The following SMG6 variants were observed in gnomAD, a reference collection of about 807,000 sequenced individuals.
SMG6 encodes SMG6 nonsense mediated mRNA decay factor.
A neutral mutation model predicts 142.2 loss-of-function variants in SMG6; 66 were observed. The observed-to-expected ratio is 0.46, with a 90% CI of 0.38 to 0.57. The LOEUF (loss-of-function observed/expected upper bound fraction) is 0.57. Ranked by LOEUF, SMG6 falls within the 20% of genes least tolerant of loss-of-function variation. The pLI, the probability that SMG6 is intolerant of heterozygous loss-of-function variation, is 0.00. For missense variants in SMG6, 1,793 were observed against 1,832.0 expected (o/e 0.98, Z 0.39); for synonymous variants, 779 against 702.4 (o/e 1.11, Z -1.72).
intron 10 of SMG6, among the ~76,000 whole-genome samples, chr17:2,202,200 A>C (rs1223282819): frequency 6.6e-6 from 1 of 152,218 alleles, no homozygotes; most frequent in Non-Finnish European, 1.5e-5. Context: ...TGGATAAATA[A>C]ATTGTGGTAT....
chr17:2,302,093 G>T (rs946530879), intron 1 of SMG6, among the ~76,000 whole-genome samples: 4 of 151,492 alleles, frequency 2.6e-5, no homozygotes, highest in Non-Finnish European at 5.9e-5. Flanking sequence ...TCTCTATAAC[G>T]TATACAAAAA....
At chr17:2,110,168 C>T (rs867919352) in intron 13 of SMG6, among the ~76,000 whole-genome samples, 5 of 151,588 alleles carry the variant, frequency 3.3e-5, no homozygotes, top group Non-Finnish European at 7.4e-5. Flanking sequence ...ACTCTTGCTG[C>T]TGACAAAGTA....
At chr17:2,119,370 T>C (rs1181730792) in intron 13 of SMG6, among the ~76,000 whole-genome samples, 12 of 151,834 alleles carry the variant, frequency 7.9e-5, no homozygotes, top group Admixed American at 7.9e-4. Flanking sequence ...ATTTTTGTAT[T>C]TTTAATAGAG....
chr17:2,264,374 G>C (rs1438263359), intron 8 of SMG6, among the ~76,000 whole-genome samples: 1 of 152,184 alleles, frequency 6.6e-6, no homozygotes, highest in Non-Finnish European at 1.5e-5. Flanking sequence ...GGTTATTCAT[G>C]AGATGCCAAA....
At chr17:2,233,092 A>C (rs929806987) in intron 10 of SMG6, 1 of 152,270 alleles carries the variant, frequency 6.6e-6, no homozygotes, top group African/African-American at 2.4e-5. Context: ...CAAATGATTC[A>C]CGGTAGCATT....
At chr17:2,159,652 A>G (rs1320216283) in intron 13 of SMG6, among the ~76,000 whole-genome samples, 1 of 152,206 alleles carries the variant, frequency 6.6e-6, no homozygotes, top group Non-Finnish European at 1.5e-5. Context: ...TAAATGACTA[A>G]GCAATTCTAC....
At chr17:2,148,633 C>T (rs141076914) in intron 13 of SMG6, among the ~76,000 whole-genome samples, 3,163 of 152,148 alleles carry the variant, frequency 0.021, 97 homozygotes, top group African/African-American at 0.071. Context: ...CCAAGGCGGG[C>T]GGATCACTTG....
chr17:2,206,601 C>A (rs996636673), intron 10 of SMG6, among the ~76,000 whole-genome samples: 1 of 151,798 alleles, frequency 6.6e-6, no homozygotes, highest in African/African-American at 2.4e-5. Flanking sequence ...TAAAATTTGG[C>A]GGGGAGCAGT....
intron 6 of SMG6, among the ~76,000 whole-genome samples, chr17:2,288,072 C>T (rs1395371439): frequency 6.6e-6 from 1 of 150,430 alleles, no homozygotes; most frequent in Non-Finnish European, 1.5e-5. Context: ...CCAGCACTTT[C>T]GGAGGCCAAG....
At chr17:2,262,242 T>C (rs1470235858) in intron 8 of SMG6, among the ~76,000 whole-genome samples, 3 of 152,224 alleles carry the variant, frequency 2.0e-5, no homozygotes, top group South Asian at 2.1e-4. Flanking sequence ...AAGCTGGGCT[T>C]GGCTCAGAAA....
At chr17:2,186,492 C>T (rs1264491863) in intron 12 of SMG6, among the ~76,000 whole-genome samples, 171 bp downstream of exon 12, 1 of 151,866 alleles carries the variant, frequency 6.6e-6, no homozygotes, top group Non-Finnish European at 1.5e-5. Flanking sequence ...GAAAAAATAA[C>T]CTAAAACATC....
At chr17:2,239,834 A>C (rs905239039) in intron 9 of SMG6, among the ~76,000 whole-genome samples, 2 of 152,252 alleles carry the variant, frequency 1.3e-5, no homozygotes, top group African/African-American at 4.8e-5. Flanking sequence ...TAAAAGTACA[A>C]AATAAATATA....
chr17:2,182,902 G>C (rs183875126), intron 12 of SMG6, among the ~76,000 whole-genome samples: 1 of 151,448 alleles, frequency 6.6e-6, no homozygotes, highest in Non-Finnish European at 1.5e-5. Flanking sequence ...GGCCAGGGGG[G>C]TGGGGTGGGC....
chr17:2,172,599 A>G (rs941062309), intron 13 of SMG6, 59 bp downstream of exon 13: 24 of 1,573,364 alleles, frequency 1.5e-5, no homozygotes, highest in Non-Finnish European at 2.0e-5. Flanking sequence ...CAAGAATAAA[A>G]AAGTCTGGAG....
chr17:2,276,738 C>T (rs572667765), intron 8 of SMG6, among the ~76,000 whole-genome samples: 20 of 152,188 alleles, frequency 1.3e-4, no homozygotes, highest in African/African-American at 4.6e-4. Context: ...CAGTAACTCA[C>T]AAGCCGTAAC....
chr17:2,161,332 G>C (rs529833790), intron 13 of SMG6, among the ~76,000 whole-genome samples: 3 of 151,902 alleles, frequency 2.0e-5, no homozygotes, highest in South Asian at 2.1e-4. Context: ...TCAAACTCCC[G>C]ACCTCAGGTT....
chr17:2,221,318 G>C (rs62069336), intron 10 of SMG6, among the ~76,000 whole-genome samples: 1,924 of 152,190 alleles, frequency 0.013, 17 homozygotes, highest in Non-Finnish European at 0.02. Context: ...CGGGACATCT[G>C]GTTGTTTTAA....
chr17:2,230,551 T>G lies in SMG6; in HGVS notation c.2869+5941A>C, dbSNP rs1024586003. On this transcript the variant is annotated intron_variant, in intron 10 of 18. Coordinates refer to ENST00000263073, the MANE Select transcript of SMG6 (RefSeq NM_017575.5). ...TGACAATTTTCTCATTTCTTTGGCTTTTCCTATTTCTCCTTCCCCAGCCTA... is the reference window on the plus strand; with the variant it reads ...TGACAATTTTCTCATTTCTTTGGCTGTTCCTATTTCTCCTTCCCCAGCCTA... 2.6e-5 allele frequency among the ~76,000 whole-genome samples: 4 copies of G among 152,100 alleles called. No individual in the cohort carries two copies. The East Asian group carries it at 7.7e-4, about 29-fold the overall frequency.
At chr17:2,169,321 A>G (rs2071433589) in intron 13 of SMG6, among the ~76,000 whole-genome samples, 2 of 152,032 alleles carry the variant, frequency 1.3e-5, no homozygotes, top group African/African-American at 4.8e-5. Context: ...TAAAAAAAAA[A>G]AAAAGGAGGT....
Sources: allele counts gnomAD v4.1 joint callset (sites outside exome capture counted in the v4.1 genomes callset), GRCh38; gene constraint gnomAD v4.1.1; transcripts MANE v1.5; gene names NCBI Gene and HGNC (gene_info 2026-07-23, HGNC 2026-07-21).